SNCAIP: variants seen among roughly 807,000 people sequenced by gnomAD.
The protein encoded by SNCAIP is synuclein alpha interacting protein, also known as synphilin-1.
In SNCAIP, 43 loss-of-function variants were observed where a neutral mutation model predicts 86.7. That is an observed-to-expected ratio of 0.50 (90% CI 0.39 to 0.64). SNCAIP has a LOEUF of 0.64. Ranked by LOEUF, SNCAIP falls within the 30% of genes least tolerant of loss-of-function variation. The pLI is 0.00. For synonymous variants in SNCAIP, 417 were observed against 427.2 expected (o/e 0.98, Z 0.29); for missense variants, 981 against 1,103.1 (o/e 0.89, Z 1.57).
intron 1 of SNCAIP, among the ~76,000 whole-genome samples, chr5:122,315,922 T>A (rs929497015): frequency 6.6e-6 from 1 of 152,096 alleles, no homozygotes; most frequent in African/African-American, 2.4e-5. Flanking sequence ...AGGGGGTTAG[T>A]AAAAGTAAAA....
At chr5:122,371,515 CAA>C in intron 1 of SNCAIP, 1 of 152,078 alleles carries the variant, frequency 6.6e-6, no homozygotes, top group South Asian at 2.1e-4. Flanking sequence ...AGGGAGAAGA[CAA>C]ATTGCCATTC....
At chr5:122,409,445 T>G (rs1581066645) in intron 3 of SNCAIP, among the ~76,000 whole-genome samples, 1 of 152,338 alleles carries the variant, frequency 6.6e-6, no homozygotes, top group East Asian at 1.9e-4. Context: ...CTGCTTCACA[T>G]CTGAAAATTT....
intron 1 of SNCAIP, among the ~76,000 whole-genome samples, chr5:122,334,465 T>C (rs1338322672): frequency 1.3e-5 from 2 of 152,184 alleles, no homozygotes; most frequent in Non-Finnish European, 2.9e-5. Context: ...CTTTTCATTA[T>C]ATGAAAAAAT....
rs757659236 is a variant in SNCAIP, at chr5:122,423,371, C to T, written c.634C>T (p.Pro212Ser). Residue 212 changes from proline (P) to serine (S), a missense_variant, in exon 4 of 11, where the codon CCC becomes TCC. Physicochemically the swap from Pro to Ser is moderately conservative, Grantham distance 74. Coordinates refer to ENST00000261368, the MANE Select transcript of SNCAIP (RefSeq NM_005460.4). ...SNMAPFCVLS[P>S]VKSPHLRKAS... ...CATGGCACCATTTTGTGTTCTTTCT[C>T]CCGTGAAAAGCCCTCACTTGAGAAA... The T allele has an allele frequency of 6.2e-7, 1 of 1,613,634 alleles. No homozygotes were observed.
chr5:122,353,591 G>A (rs1760357045), intron 1 of SNCAIP, among the ~76,000 whole-genome samples: 2 of 152,040 alleles, frequency 1.3e-5, no homozygotes, highest in Non-Finnish European at 2.9e-5. Flanking sequence ...ATGGGGGCGG[G>A]TCTTTCTTGT....
chr5:122,450,205 A>G (rs1016480739), intron 9 of SNCAIP, among the ~76,000 whole-genome samples: 2 of 152,326 alleles, frequency 1.3e-5, no homozygotes, highest in East Asian at 3.9e-4. Context: ...TCAATTCTTC[A>G]TCTGTGAAGT....
At chr5:122,442,008 T>C (rs1163033911) in intron 7 of SNCAIP, among the ~76,000 whole-genome samples, 1 of 151,962 alleles carries the variant, frequency 6.6e-6, no homozygotes, top group African/African-American at 2.4e-5. Flanking sequence ...TGGTTGAAGG[T>C]CATGATTAGA....
intron 1 of SNCAIP, among the ~76,000 whole-genome samples, chr5:122,390,437 GC>G (rs1769107140): frequency 6.6e-6 from 1 of 152,162 alleles, no homozygotes; most frequent in African/African-American, 2.4e-5. Flanking sequence ...ACGTTCCGGG[GC>G]CTGCATCAGG....
At chr5:122,362,362 A>G (rs543846225) in intron 1 of SNCAIP, among the ~76,000 whole-genome samples, 2 of 152,316 alleles carry the variant, frequency 1.3e-5, no homozygotes, top group African/African-American at 2.4e-5. Context: ...AGAAATAGAA[A>G]GATTATCAGT....
At chr5:122,449,410 T>C (rs1226046637) in intron 8 of SNCAIP, among the ~76,000 whole-genome samples, 2 of 152,190 alleles carry the variant, frequency 1.3e-5, no homozygotes, top group African/African-American at 4.8e-5. Context: ...TAGTATTTTG[T>C]AGTTTCCTTT....
At chr5:122,382,822 C>T (rs1387787177) in intron 1 of SNCAIP, among the ~76,000 whole-genome samples, 3 of 152,194 alleles carry the variant, frequency 2.0e-5, no homozygotes, top group Non-Finnish European at 4.4e-5. Flanking sequence ...TCAGTGTGCC[C>T]CTGCTGGGGT....
intron 1 of SNCAIP, chr5:122,371,636 C>T (rs1764288536): frequency 6.6e-6 from 1 of 152,138 alleles, no homozygotes; most frequent in Non-Finnish European, 1.5e-5. Context: ...GAAAAGTCAA[C>T]AGAAATCTGC....
At chr5:122,350,423 T>C (rs1171307726) in intron 1 of SNCAIP, among the ~76,000 whole-genome samples, 1 of 152,072 alleles carries the variant, frequency 6.6e-6, no homozygotes, top group Non-Finnish European at 1.5e-5. Flanking sequence ...TATATTTTAG[T>C]GTATACTAAA....
At chr5:122,460,171 C>T (rs1236674498) in intron 10 of SNCAIP, among the ~76,000 whole-genome samples, 2 of 151,404 alleles carry the variant, frequency 1.3e-5, no homozygotes, top group African/African-American at 4.9e-5. Context: ...ACCTAGGCTG[C>T]AGTGCAGTCG....
chr5:122,392,552 G>A lies in SNCAIP; in HGVS notation c.57+1361G>A, dbSNP rs567054082. ...AATGTGAATGGTAGCATGGGTGTAT[G>A]TAGGTAGGATGGAAGGTGTTGTAGA... On this transcript the variant is annotated intron_variant, in intron 2 of 10. Coordinates refer to ENST00000261368, the MANE Select transcript of SNCAIP (RefSeq NM_005460.4). 4.6e-5 allele frequency among the ~76,000 whole-genome samples: 7 copies of A among 152,312 alleles called. No homozygotes were observed. The South Asian group carries it at 6.2e-4, about 14-fold the overall frequency.
At chr5:122,362,415 G>A (rs1244914442) in intron 1 of SNCAIP, among the ~76,000 whole-genome samples, 1 of 152,192 alleles carries the variant, frequency 6.6e-6, no homozygotes, top group African/African-American at 2.4e-5. Context: ...AGGAATCTGA[G>A]TGTTTTCTGA....
rs1284010619 is a variant in SNCAIP, at chr5:122,356,472, G to A, written c.-46-34617G>A. Among the ~76,000 whole-genome samples, 4 of 151,792 alleles carry A rather than the reference G, an allele frequency of 2.6e-5. No individual in the cohort carries two copies. The South Asian group carries it at 8.3e-4, about 32-fold the overall frequency. ...GTTTATATAAATTAAAATTTTTTTT[G>A]ATGAGACTGAACTAATTGGTCACAT... On this transcript the variant is annotated intron_variant, in intron 1 of 10. Coordinates refer to ENST00000261368, the MANE Select transcript of SNCAIP (RefSeq NM_005460.4).
chr5:122,380,547 C>T (rs1391205144), intron 1 of SNCAIP, among the ~76,000 whole-genome samples: 1 of 149,706 alleles, frequency 6.7e-6, no homozygotes, highest in Non-Finnish European at 1.5e-5. Context: ...TCCTTCAGTT[C>T]TGCTCTGATT....
Position 122,440,666 on chromosome 5 carries a change from A to G in SNCAIP, c.1334A>G (p.Glu445Gly), listed in dbSNP as rs766107007. The change falls in exon 7 of 11, where the codon GAA becomes GGA. Residue 445 changes from glutamate to glycine, a missense_variant. By Grantham distance (98) the Glu-to-Gly change is moderately conservative. Coordinates refer to ENST00000261368, the MANE Select transcript of SNCAIP (RefSeq NM_005460.4). ...ILLWLLQFMQ[E>G]QGISLDEVDQ... Reference sequence around the variant, plus strand: ...CTGTGGCTTCTTCAGTTTATGCAAGAACAGGGCATCTCGTTGGATGAAGTA... The same window carrying G: ...CTGTGGCTTCTTCAGTTTATGCAAGGACAGGGCATCTCGTTGGATGAAGTA... The G allele has an allele frequency of 3.1e-6, 5 of 1,613,966 alleles. No individual in the cohort carries two copies. In the Admixed American group the frequency reaches 8.3e-5, roughly 27 times the overall value.
Sources: gnomAD v4.1 joint callset for allele counts (sites outside exome capture counted in the v4.1 genomes callset) on GRCh38, gnomAD v4.1.1 for gene constraint, MANE v1.5 for transcripts, NCBI Gene and HGNC (gene_info 2026-07-23, HGNC 2026-07-21) for gene names.